Variants in SLC24A3 observed in about 807,000 individuals in gnomAD.
SLC24A3 encodes the protein sodium/potassium/calcium exchanger 3.
Under a neutral mutation model 75.8 loss-of-function variants are expected in SLC24A3, and 28 were observed. The observed-to-expected ratio is 0.37, with a 90% CI of 0.27 to 0.51. The LOEUF (loss-of-function observed/expected upper bound fraction) is 0.51, where lower values mean the gene tolerates loss of function less well. Among genes scored for constraint, SLC24A3 ranks in the 20% least tolerant of loss-of-function variants. The pLI is 0.94. For missense variants in SLC24A3, 663 were observed against 847.8 expected (o/e 0.78, Z 2.71); for synonymous variants, 372 against 334.1 (o/e 1.11, Z -1.24).
intron 3 of SLC24A3, among the ~76,000 whole-genome samples, chr20:19,545,877 C>A (rs542238524): frequency 6.6e-6 from 1 of 151,980 alleles, no homozygotes; most frequent in Non-Finnish European, 1.5e-5. Flanking sequence ...GGTCATCGAC[C>A]GGCCAGGCAT....
chr20:19,340,589 C>A (rs1985250515), intron 2 of SLC24A3, among the ~76,000 whole-genome samples: 1 of 152,168 alleles, frequency 6.6e-6, no homozygotes, highest in Admixed American at 6.5e-5. Flanking sequence ...ACCATCCCCA[C>A]AGCCTGGGCA....
chr20:19,552,360 C>T (rs1017569660), intron 3 of SLC24A3, among the ~76,000 whole-genome samples: 2 of 152,200 alleles, frequency 1.3e-5, no homozygotes, highest in African/African-American at 4.8e-5. Flanking sequence ...GCTGTCTACA[C>T]AGCCGCCCAG....
At chr20:19,272,695 T>C (rs913288376) in intron 1 of SLC24A3, among the ~76,000 whole-genome samples, 1 of 152,234 alleles carries the variant, frequency 6.6e-6, no homozygotes, top group African/African-American at 2.4e-5. Flanking sequence ...GTGGGACCCA[T>C]GGACCTGGGA....
At chr20:19,225,728 G>A (rs1981852327) in intron 1 of SLC24A3, among the ~76,000 whole-genome samples, 1 of 152,112 alleles carries the variant, frequency 6.6e-6, no homozygotes. Flanking sequence ...TCAGTACAAT[G>A]CTTCTCAGCT....
At position 19,670,393 on chromosome 20, in the gene SLC24A3, A is replaced by G. The variant is rs145920560; in HGVS notation, c.714-3208A>G. Among the ~76,000 whole-genome samples, 565 of 152,326 alleles carry G rather than the reference A, an allele frequency of 3.7e-3. 5 individuals are homozygous for G. Among genetic ancestry groups the G allele is most frequent in the African/African-American group, 0.013 (520 of 41,572 alleles). ...CCAACAGAGCAAACTTGAAATGTCA[A>G]CAAAAGCAAGGAATCTCATCCTACA... On this transcript the variant is annotated intron_variant, in intron 8 of 16. Transcript: ENST00000328041.
chr20:19,316,313 C>T (rs1241694380), intron 2 of SLC24A3, among the ~76,000 whole-genome samples: 2 of 152,190 alleles, frequency 1.3e-5, no homozygotes, highest in Non-Finnish European at 2.9e-5. Context: ...CTTGGTGCTT[C>T]TGTAGAGCTG....
At chr20:19,460,771 G>T (rs1261078983) in intron 2 of SLC24A3, among the ~76,000 whole-genome samples, 14 of 152,178 alleles carry the variant, frequency 9.2e-5, no homozygotes, top group Admixed American at 9.2e-4. Flanking sequence ...GCCCTCCCTT[G>T]TTCTTTTACC....
chr20:19,495,967 AT>A (rs201298221), intron 2 of SLC24A3, among the ~76,000 whole-genome samples: 2 of 152,174 alleles, frequency 1.3e-5, no homozygotes, highest in Non-Finnish European at 1.5e-5. Context: ...CAAAAACAAG[AT>A]TTTTTTTAAA....
intron 2 of SLC24A3, among the ~76,000 whole-genome samples, chr20:19,446,577 G>A (rs1324373345): frequency 6.6e-6 from 1 of 152,214 alleles, no homozygotes; most frequent in South Asian, 2.1e-4. Context: ...TGGATGAGAA[G>A]TTTGGGCAGT....
At chr20:19,294,168 T>A (rs1181154575) in intron 2 of SLC24A3, among the ~76,000 whole-genome samples, 1 of 141,078 alleles carries the variant, frequency 7.1e-6, no homozygotes, top group East Asian at 1.9e-4. Context: ...TTTCCAATTA[T>A]TTTTTAATGG....
At chr20:19,385,378 C>T (rs899839858) in intron 2 of SLC24A3, among the ~76,000 whole-genome samples, 4 of 152,274 alleles carry the variant, frequency 2.6e-5, no homozygotes, top group African/African-American at 9.6e-5. Flanking sequence ...TTCCCTAATG[C>T]CATTTATTGA....
intron 2 of SLC24A3, among the ~76,000 whole-genome samples, chr20:19,338,558 C>A (rs1016720389): frequency 1.3e-5 from 2 of 152,152 alleles, no homozygotes; most frequent in African/African-American, 4.8e-5. Context: ...GTCCAACCTG[C>A]CCATATGATC....
At chr20:19,590,123 T>C (rs1469213258) in intron 6 of SLC24A3, among the ~76,000 whole-genome samples, 1 of 151,392 alleles carries the variant, frequency 6.6e-6, no homozygotes, top group Non-Finnish European at 1.5e-5. Context: ...GGTGCAAAAG[T>C]AATTGCGGTT....
At chr20:19,680,901 C>G (rs570854996) in intron 9 of SLC24A3, among the ~76,000 whole-genome samples, 176 of 152,310 alleles carry the variant, frequency 1.2e-3, no homozygotes, top group African/African-American at 3.9e-3. Context: ...TGGCAACTTA[C>G]GGTCACCATG....
At chr20:19,614,977 T>C (rs890640435) in intron 6 of SLC24A3, among the ~76,000 whole-genome samples, 2 of 152,240 alleles carry the variant, frequency 1.3e-5, no homozygotes, top group Non-Finnish European at 2.9e-5. Context: ...ATCCAAACCA[T>C]AATCTTTTTG....
intron 2 of SLC24A3, among the ~76,000 whole-genome samples, chr20:19,424,564 G>A (rs1407554420): frequency 6.6e-6 from 1 of 151,852 alleles, no homozygotes. Flanking sequence ...AGTGGTGTGT[G>A]CCTGTAATCC....
At chr20:19,564,372 C>T (rs962199448) in intron 3 of SLC24A3, among the ~76,000 whole-genome samples, 1 of 152,174 alleles carries the variant, frequency 6.6e-6, no homozygotes, top group African/African-American at 2.4e-5. Context: ...TCAATGCCAC[C>T]ATCATCACTA....
At chr20:19,673,762 TATC>T (rs1433914202) in intron 9 of SLC24A3, 108 bp downstream of exon 9, 2 of 876,794 alleles carry the variant, frequency 2.3e-6, no homozygotes. Flanking sequence ...TTTCAGTGTG[TATC>T]ATCACAGTCA....
chr20:19,310,583 G>A (rs892053276), intron 2 of SLC24A3, among the ~76,000 whole-genome samples: 1 of 152,140 alleles, frequency 6.6e-6, no homozygotes, highest in Admixed American at 6.6e-5. Flanking sequence ...ACTGACCTGC[G>A]GCTACCTGGG....
Sources: gnomAD v4.1 joint callset for allele counts (sites outside exome capture counted in the v4.1 genomes callset) on GRCh38, gnomAD v4.1.1 for gene constraint, MANE v1.5 for transcripts, NCBI Gene and HGNC (gene_info 2026-07-23, HGNC 2026-07-21) for gene names.